PSD3: variants seen among roughly 807,000 people sequenced by gnomAD.
PSD3 encodes pleckstrin and Sec7 domain containing 3, also known as PH and SEC7 domain-containing protein 3.
Under a neutral mutation model 105.5 loss-of-function variants are expected in PSD3, and 49 were observed. That is an observed-to-expected ratio of 0.46 (90% CI 0.37 to 0.59). The LOEUF is 0.59. Among genes scored for constraint, PSD3 ranks in the 20% least tolerant of loss-of-function variants. PSD3 has a pLI of 0.00. For missense variants in PSD3, 1,561 were observed against 1,263.8 expected, an observed-to-expected ratio of 1.24 and a Z score of -3.57; for synonymous variants, 557 against 457.8, an observed-to-expected ratio of 1.22 and a Z score of -2.77.
intron 1 of PSD3, among the ~76,000 whole-genome samples, chr8:18,981,209 T>G (rs1825236668): frequency 6.6e-6 from 1 of 152,106 alleles, no homozygotes; most frequent in African/African-American, 2.4e-5. Context: ...TCAATAAATA[T>G]TTGTTGAATG....
rs185627213 is a variant in PSD3, at chr8:18,860,551, G to A, written c.1634+7123C>T. ...AGCTCTGTATTTCAGTTTACAGAGG[G>A]CTTATGAAGTGAAAAACAAGATTAA... On this transcript the variant is annotated intron_variant, in intron 4 of 15. Coordinates refer to ENST00000327040, the MANE Select transcript of PSD3 (RefSeq NM_015310.4). Among the ~76,000 whole-genome samples the A allele has an allele frequency of 3.7e-4, 56 of 152,212 alleles. 1 individual carries two copies. The highest frequency in any genetic ancestry group is 5.3e-4 in the Non-Finnish European group (36 of 68,008).
At chr8:18,722,308 T>C (rs1803037641) in intron 9 of PSD3, among the ~76,000 whole-genome samples, 1 of 152,164 alleles carries the variant, frequency 6.6e-6, no homozygotes, top group Non-Finnish European at 1.5e-5. Context: ...GCACTCACCC[T>C]TACCTTTGCT....
intron 1 of PSD3, among the ~76,000 whole-genome samples, chr8:19,021,346 T>C (rs1487041552): frequency 1.3e-5 from 2 of 152,162 alleles, no homozygotes; most frequent in African/African-American, 4.8e-5. Flanking sequence ...TCAGGAAGAA[T>C]GAAAGAGATA....
intron 1 of PSD3, among the ~76,000 whole-genome samples, chr8:18,938,190 G>C (rs556789330): frequency 6.7e-4 from 102 of 152,318 alleles, no homozygotes; most frequent in African/African-American, 2.4e-3. Context: ...GAATTGGAGT[G>C]AGACAAGAAG....
At chr8:19,074,611 A>ATATATGTT (rs1324257417) in intron 1 of PSD3, among the ~76,000 whole-genome samples, 1 of 24,230 alleles carries the variant, frequency 4.1e-5, no homozygotes, top group Non-Finnish European at 7.4e-5. Context: ...ATATATATAT[A>ATATATGTT]TTTTTTTTTT....
intron 14 of PSD3, among the ~76,000 whole-genome samples, chr8:18,557,772 T>C (rs1801166835): frequency 6.6e-6 from 1 of 152,242 alleles, no homozygotes; most frequent in African/African-American, 2.4e-5. Context: ...ATTTGTATAC[T>C]GATAATGCTG....
chr8:18,832,833 C>T (rs558605826), intron 4 of PSD3, among the ~76,000 whole-genome samples: 1 of 152,076 alleles, frequency 6.6e-6, no homozygotes, highest in Non-Finnish European at 1.5e-5. Context: ...CCTGGTGAGA[C>T]CTATTCATTA....
Position 18,936,048 on chromosome 8 carries a change from T to A in PSD3, c.116A>T (p.Lys39Ile). 6.2e-7 allele frequency: 1 copy of A among 1,608,090 alleles called. No homozygotes were observed. The highest frequency in any genetic ancestry group is 8.5e-7 in the Non-Finnish European group (1 of 1,175,026). ...GAAATACTTACTAGTATCTGGAGCTTTCCCTTCAGATCTGCCAAATAAAAA... is the reference window on the plus strand; with the variant it reads ...GAAATACTTACTAGTATCTGGAGCTATCCCTTCAGATCTGCCAAATAAAAA... ...YEFLFGRSEG[K>I]APDTSDHGGS... Residue 39 changes from lysine to isoleucine, a missense_variant, in exon 2 of 16, where the codon AAA becomes ATA. By Grantham distance (102) the Lys-to-Ile change is moderately radical (BLOSUM62 -3). Coordinates refer to ENST00000327040, the MANE Select transcript of PSD3 (RefSeq NM_015310.4).
At chr8:18,669,330 G>T (rs1030265267) in intron 9 of PSD3, among the ~76,000 whole-genome samples, 2 of 152,178 alleles carry the variant, frequency 1.3e-5, no homozygotes, top group Non-Finnish European at 2.9e-5. Flanking sequence ...CCTATATATT[G>T]TATGTTTTTT....
intron 9 of PSD3, among the ~76,000 whole-genome samples, chr8:18,658,524 CTTTTT>C (rs35569508): frequency 7.2e-6 from 1 of 138,120 alleles, no homozygotes; most frequent in Admixed American, 7.3e-5. Flanking sequence ...CTATATAATT[CTTTTT>C]TTTTTTTTTT....
At chr8:18,620,941 A>G (rs185261149) in intron 11 of PSD3, among the ~76,000 whole-genome samples, 225 of 152,364 alleles carry the variant, frequency 1.5e-3, no homozygotes, top group African/African-American at 5.3e-3. Context: ...AATGTTAATT[A>G]AACCGAAATC....
At chr8:18,864,397 T>C (rs1816674094) in intron 4 of PSD3, among the ~76,000 whole-genome samples, 1 of 152,206 alleles carries the variant, frequency 6.6e-6, no homozygotes, top group Non-Finnish European at 1.5e-5. Flanking sequence ...ATCATGTGTT[T>C]ACTAAATAAA....
At chr8:18,782,595 C>T (rs1808746109) in intron 8 of PSD3, among the ~76,000 whole-genome samples, 2 of 152,220 alleles carry the variant, frequency 1.3e-5, no homozygotes, top group South Asian at 2.1e-4. Context: ...TCTCGGTCAA[C>T]ACACGTGGAT....
chr8:18,989,828 G>A (rs1306360765), intron 1 of PSD3, among the ~76,000 whole-genome samples: 2 of 152,134 alleles, frequency 1.3e-5, no homozygotes, highest in African/African-American at 4.8e-5. Context: ...TCAGCACTGT[G>A]CTAGAATCAA....
intron 9 of PSD3, among the ~76,000 whole-genome samples, chr8:18,753,303 G>C (rs1473664506): frequency 6.6e-6 from 1 of 151,420 alleles, no homozygotes; most frequent in Non-Finnish European, 1.5e-5. Flanking sequence ...GCAGTGAGCC[G>C]AGATCATGCC....
At chr8:18,702,798 G>C (rs1801666970) in intron 9 of PSD3, among the ~76,000 whole-genome samples, 2 of 151,936 alleles carry the variant, frequency 1.3e-5, no homozygotes, top group South Asian at 2.1e-4. Flanking sequence ...ATTTTTAGTA[G>C]AGACAGGGTT....
intron 8 of PSD3, among the ~76,000 whole-genome samples, chr8:18,789,167 C>T (rs1317454864): frequency 6.6e-6 from 1 of 152,154 alleles, no homozygotes; most frequent in Non-Finnish European, 1.5e-5. Flanking sequence ...CAGTGGTTCT[C>T]AAAGCGTTTC....
At chr8:18,858,182 A>G (rs1035798884) in intron 4 of PSD3, among the ~76,000 whole-genome samples, 1 of 152,212 alleles carries the variant, frequency 6.6e-6, no homozygotes, top group African/African-American at 2.4e-5. Flanking sequence ...CAATAGAGCA[A>G]GTGATACAAA....
chr8:18,768,583 G>A (rs941852785), intron 8 of PSD3, among the ~76,000 whole-genome samples: 2 of 152,126 alleles, frequency 1.3e-5, no homozygotes, highest in African/African-American at 4.8e-5. Context: ...GGTAACAGAG[G>A]AAGACTTTCA....
Sources: allele counts gnomAD v4.1 joint callset (sites outside exome capture counted in the v4.1 genomes callset), GRCh38; gene constraint gnomAD v4.1.1; transcripts MANE v1.5; gene names NCBI Gene and HGNC (gene_info 2026-07-23, HGNC 2026-07-21).